Variants in LRRC4C observed in about 807,000 individuals in gnomAD.
The protein encoded by LRRC4C is leucine rich repeat containing 4C, also known as leucine-rich repeat-containing protein 4C.
Under a neutral mutation model 33.6 loss-of-function variants are expected in LRRC4C, and 5 were observed. The observed-to-expected ratio is 0.15, with a 90% CI of 0.08 to 0.31. The LOEUF (loss-of-function observed/expected upper bound fraction) is 0.31. Among genes scored for constraint, LRRC4C ranks in the 10% least tolerant of loss-of-function variants. LRRC4C has a pLI of 1.00. For synonymous variants in LRRC4C, 329 were observed against 302.0 expected, an observed-to-expected ratio of 1.09 and a Z score of -0.93; for missense variants, 560 against 796.7, an observed-to-expected ratio of 0.70 and a Z score of 3.58.
In LRRC4C at chr11:40,363,385, C is replaced by A. The variant is rs565183877; in HGVS notation, c.-269-43664G>T. ...CATTATATGAACACATAGAGGGGAA[C>A]AACACACACTGGGGCCTATTGGAGG... On this transcript the variant is annotated intron_variant, in intron 3 of 6. Transcript: ENST00000528697. 3.4e-4 allele frequency among the ~76,000 whole-genome samples: 52 copies of A among 152,096 alleles called. 1 individual carries two copies. The South Asian group carries it at 9.8e-3, about 29-fold the overall frequency.
intron 1 of LRRC4C, among the ~76,000 whole-genome samples, chr11:41,182,702 A>C (rs2136163792): frequency 6.6e-6 from 1 of 152,314 alleles, no homozygotes. Flanking sequence ...ATTCCTTGTT[A>C]TGTACAATGC....
At chr11:40,557,627 C>T (rs1293975154) in intron 3 of LRRC4C, among the ~76,000 whole-genome samples, 3 of 152,060 alleles carry the variant, frequency 2.0e-5, no homozygotes, top group African/African-American at 7.2e-5. Flanking sequence ...TATGTCTATT[C>T]TCAAGATGAG....
At chr11:41,140,562 A>G in intron 1 of LRRC4C, among the ~76,000 whole-genome samples, 1 of 152,156 alleles carries the variant, frequency 6.6e-6, no homozygotes, top group East Asian at 1.9e-4. Context: ...CAAAATAGAG[A>G]ATAGGCCCAT....
intron 1 of LRRC4C, among the ~76,000 whole-genome samples, chr11:41,154,973 T>C (rs1455169825): frequency 1.3e-5 from 2 of 152,114 alleles, no homozygotes; most frequent in Admixed American, 1.3e-4. Flanking sequence ...GATTTGCAGC[T>C]TAGGAAAGGG....
intron 3 of LRRC4C, among the ~76,000 whole-genome samples, chr11:40,480,182 AG>A (rs1379346828): frequency 6.6e-6 from 1 of 152,032 alleles, no homozygotes; most frequent in Non-Finnish European, 1.5e-5. Context: ...CCTAATATAG[AG>A]GAAAAAGCAG....
At chr11:40,991,933 C>T (rs1053078775) in intron 1 of LRRC4C, among the ~76,000 whole-genome samples, 6 of 152,110 alleles carry the variant, frequency 3.9e-5, no homozygotes, top group African/African-American at 1.4e-4. Flanking sequence ...TGCTGTGCAA[C>T]CCAGTTCCTA....
chr11:40,790,831 T>A (rs1401220132), intron 2 of LRRC4C, among the ~76,000 whole-genome samples: 1 of 152,190 alleles, frequency 6.6e-6, no homozygotes, highest in Non-Finnish European at 1.5e-5. Flanking sequence ...TTCCAACACA[T>A]CCTGTGAAAA....
At chr11:40,974,063 A>G (rs372189406) in intron 1 of LRRC4C, among the ~76,000 whole-genome samples, 1 of 152,174 alleles carries the variant, frequency 6.6e-6, no homozygotes, top group African/African-American at 2.4e-5. Context: ...GCTGCTATAA[A>G]TGGTTTAGAA....
intron 2 of LRRC4C, among the ~76,000 whole-genome samples, chr11:40,832,101 C>T (rs1188048365): frequency 1.3e-5 from 2 of 152,048 alleles, no homozygotes; most frequent in Admixed American, 6.6e-5. Flanking sequence ...CCCAGTTCAC[C>T]CCCCAGGCTA....
rs1347934860 is a variant in LRRC4C, at chr11:40,633,349, CTTTCTTTCTTTCTT to C, written c.-270+14779_-270+14792del. ...TTTTTCTTTCTTTCTTTCTTTCTTT[CTTTCTTTCTTTCTT>C]TCTTTCTTTCTCTCTCTTTCTTTCT... On this transcript the variant is annotated intron_variant, in intron 3 of 6. Transcript: ENST00000528697. 7.0e-4 allele frequency among the ~76,000 whole-genome samples: 59 copies of C among 84,876 alleles called. 3 individuals are homozygous for C. Among genetic ancestry groups the C allele is most frequent in the Admixed American group, 7.2e-4 (5 of 6,924 alleles). The allele number at this position is 84,876 out of a possible 152,430, so 55.7% of individuals were successfully genotyped here.
chr11:41,358,396 T>A (rs1952235527), intron 1 of LRRC4C, among the ~76,000 whole-genome samples: 1 of 152,134 alleles, frequency 6.6e-6, no homozygotes, highest in Non-Finnish European at 1.5e-5. Flanking sequence ...AAATAATTGG[T>A]ATATTAGACT....
chr11:41,117,132 T>C (rs1419345496), intron 1 of LRRC4C, among the ~76,000 whole-genome samples: 3 of 152,142 alleles, frequency 2.0e-5, no homozygotes, highest in Non-Finnish European at 4.4e-5. Flanking sequence ...TTACTTTAGC[T>C]GAAAACAAGC....
At chr11:41,188,127 C>T (rs777490274) in intron 1 of LRRC4C, among the ~76,000 whole-genome samples, 1 of 152,002 alleles carries the variant, frequency 6.6e-6, no homozygotes, top group African/African-American at 2.4e-5. Flanking sequence ...TGAAGATACC[C>T]TCCCCTTCCT....
At chr11:40,837,806 C>T (rs1302606645) in intron 2 of LRRC4C, among the ~76,000 whole-genome samples, 1 of 151,464 alleles carries the variant, frequency 6.6e-6, no homozygotes, top group East Asian at 1.9e-4. Context: ...GCCATGATCA[C>T]ATGACTGCAC....
intron 2 of LRRC4C, among the ~76,000 whole-genome samples, chr11:40,743,151 T>G (rs999985962): frequency 2.0e-5 from 3 of 152,082 alleles, no homozygotes; most frequent in African/African-American, 7.2e-5. Context: ...TTCCCTGGTA[T>G]TCAATGAACA....
chr11:40,505,033 T>A (rs1305990083), intron 3 of LRRC4C, among the ~76,000 whole-genome samples: 1 of 152,164 alleles, frequency 6.6e-6, no homozygotes, highest in African/African-American at 2.4e-5. Context: ...TTTTTTTGTT[T>A]TTGTTTTTTT....
At chr11:40,388,691 A>C (rs1431956501) in intron 3 of LRRC4C, among the ~76,000 whole-genome samples, 1 of 152,180 alleles carries the variant, frequency 6.6e-6, no homozygotes, top group African/African-American at 2.4e-5. Flanking sequence ...TAATCTGCTA[A>C]CTGAGCTAGA....
At chr11:40,424,184 T>A (rs1432571383) in intron 3 of LRRC4C, among the ~76,000 whole-genome samples, 1 of 152,130 alleles carries the variant, frequency 6.6e-6, no homozygotes, top group African/African-American at 2.4e-5. Flanking sequence ...AGTTGGGACA[T>A]CTGCTCTGAG....
rs1472728434 is a variant in LRRC4C at position 40,875,990 on chromosome 11, G to A, written c.-407+57645C>T. 2.6e-5 allele frequency among the ~76,000 whole-genome samples: 4 copies of A among 152,040 alleles called. No individual in the cohort carries two copies. The East Asian group carries it at 5.8e-4, about 22-fold the overall frequency. The stretch of plus-strand genomic sequence containing the variant: ...TATGTCCAGTCTACTTTGTAATCTC[G>A]TTTTGGTTGCTGTCACTGTAGAAAA... On this transcript the variant is annotated intron_variant, in intron 2 of 6. Coordinates refer to ENST00000528697, the MANE Select transcript of LRRC4C (RefSeq NM_001258419.2).
Sources: allele counts gnomAD v4.1 joint callset (sites outside exome capture counted in the v4.1 genomes callset), GRCh38; gene constraint gnomAD v4.1.1; transcripts MANE v1.5; gene names NCBI Gene and HGNC (gene_info 2026-07-23, HGNC 2026-07-21).